Variants in TBC1D14 observed in about 807,000 individuals in gnomAD.
TBC1D14 encodes TBC1 domain family, member 14.
Under a neutral mutation model 79.0 loss-of-function variants are expected in TBC1D14, and 26 were observed. The observed-to-expected ratio is 0.33, with a 90% confidence interval of 0.24 to 0.46. The LOEUF is 0.46. Among genes scored for constraint, TBC1D14 ranks in the 20% least tolerant of loss-of-function variants. The probability of loss-of-function intolerance (pLI) is 1.00; values close to 1 mark genes in which losing one functional copy is unlikely to be tolerated. For missense variants in TBC1D14, 769 were observed against 887.6 expected (o/e 0.87, Z 1.70); for synonymous variants, 394 against 349.9 (o/e 1.13, Z -1.40).
intron 1 of TBC1D14, among the ~76,000 whole-genome samples, chr4:6,918,064 C>T (rs1420580768): frequency 2.0e-5 from 3 of 152,230 alleles, no homozygotes; most frequent in African/African-American, 7.2e-5. Flanking sequence ...CTCAACTTCT[C>T]CATAGGAGAG....
intron 3 of TBC1D14, among the ~76,000 whole-genome samples, chr4:6,971,996 C>T (rs1029481412): frequency 3.9e-5 from 6 of 152,226 alleles, no homozygotes; most frequent in Non-Finnish European, 8.8e-5. Flanking sequence ...AGAGAGCTGC[C>T]TTCAGGCCTC....
At chr4:6,988,746 T>G (rs1424558529) in intron 3 of TBC1D14, among the ~76,000 whole-genome samples, 2 of 152,218 alleles carry the variant, frequency 1.3e-5, no homozygotes, top group African/African-American at 4.8e-5. Context: ...GGCTCCTTCC[T>G]GGAAGTCAGG....
chr4:7,005,408 G>A (rs1720083006), intron 8 of TBC1D14, among the ~76,000 whole-genome samples: 11 of 152,212 alleles, frequency 7.2e-5, no homozygotes. Flanking sequence ...GGTGGTGGGT[G>A]CCTGTAATCC....
At chr4:6,954,330 C>T (rs947768382) in intron 2 of TBC1D14, 11 of 717,404 alleles carry the variant, frequency 1.5e-5, no homozygotes, top group Non-Finnish European at 2.9e-5. Context: ...CGCTCCTGTT[C>T]ATGGACAGGT....
intron 1 of TBC1D14, among the ~76,000 whole-genome samples, chr4:6,921,454 G>T (rs1039391613): frequency 1.3e-5 from 2 of 152,090 alleles, no homozygotes; most frequent in African/African-American, 4.8e-5. Context: ...CGATCCTCCT[G>T]CCTCTACCTC....
At chr4:7,003,380 G>A (rs148906597) in intron 7 of TBC1D14, among the ~76,000 whole-genome samples, 36 of 152,312 alleles carry the variant, frequency 2.4e-4, no homozygotes, top group Admixed American at 1.9e-3. Context: ...AAGCTTGGCC[G>A]GCCTCCTGGA....
intron 2 of TBC1D14, among the ~76,000 whole-genome samples, chr4:6,957,604 G>T (rs902872960): frequency 2.6e-5 from 4 of 152,198 alleles, no homozygotes; most frequent in African/African-American, 9.7e-5. Flanking sequence ...TGGTGATTGG[G>T]CACTTCTTGC....
intron 3 of TBC1D14, among the ~76,000 whole-genome samples, chr4:6,981,045 G>T (rs62289199): frequency 8.5e-6 from 1 of 116,984 alleles, no homozygotes; most frequent in African/African-American, 3.4e-5. Context: ...TTTTTTTAAA[G>T]ACTGAGTCTT....
intron 12 of TBC1D14, among the ~76,000 whole-genome samples, chr4:7,015,553 C>G (rs143783218): frequency 6.6e-6 from 1 of 152,078 alleles, no homozygotes; most frequent in Non-Finnish European, 1.5e-5. Flanking sequence ...TTGGGCCAGG[C>G]AGGTCTTCAT....
chr4:6,911,670 C>G (rs1188277715), intron 1 of TBC1D14, among the ~76,000 whole-genome samples: 1 of 152,208 alleles, frequency 6.6e-6, no homozygotes, highest in East Asian at 1.9e-4. Context: ...ATGCCTCCAC[C>G]TTCCCTCCTC....
intron 2 of TBC1D14, among the ~76,000 whole-genome samples, chr4:6,953,586 T>C (rs1450757658): frequency 3.4e-5 from 4 of 118,980 alleles, no homozygotes; most frequent in Non-Finnish European, 6.5e-5. Context: ...GAGCCGAGAT[T>C]GCGCCACTGC....
chr4:7,010,835 T>C (rs1021570983), intron 11 of TBC1D14, 54 bp downstream of exon 11: 1 of 1,572,424 alleles, frequency 6.4e-7, no homozygotes, highest in African/African-American at 1.4e-5. Flanking sequence ...ATGTCAAGAG[T>C]TGCTTACTCG....
intron 2 of TBC1D14, among the ~76,000 whole-genome samples, chr4:6,958,042 A>C (rs915500955): frequency 3.3e-5 from 5 of 151,826 alleles, no homozygotes; most frequent in Non-Finnish European, 5.9e-5. Flanking sequence ...TAGAAATATA[A>C]CTCAGCCCTT....
chr4:6,964,204 C>T (rs1027360920), intron 2 of TBC1D14, among the ~76,000 whole-genome samples: 22 of 152,170 alleles, frequency 1.4e-4, no homozygotes, highest in Admixed American at 5.9e-4. Context: ...CTTAGTCGTC[C>T]TCCTGCCAGC....
chr4:6,992,556 C>G, intron 3 of TBC1D14, among the ~76,000 whole-genome samples: 1 of 152,230 alleles, frequency 6.6e-6, no homozygotes, highest in Non-Finnish European at 1.5e-5. Context: ...TGATTTTGGG[C>G]CCAGCATTCT....
chr4:6,960,009 G>A (rs1013382770), intron 2 of TBC1D14, among the ~76,000 whole-genome samples: 4 of 151,156 alleles, frequency 2.6e-5, no homozygotes, highest in African/African-American at 4.9e-5. Context: ...TCAGCAACAC[G>A]TTTGCATGGC....
At chr4:7,012,826 C>G (rs1176546278) in intron 11 of TBC1D14, among the ~76,000 whole-genome samples, 1 of 152,074 alleles carries the variant, frequency 6.6e-6, no homozygotes, top group East Asian at 1.9e-4. Flanking sequence ...AAAAACTTAC[C>G]TTTCCAAGAA....
chr4:7,011,301 C>T (rs1720743467), intron 11 of TBC1D14, among the ~76,000 whole-genome samples: 2 of 151,074 alleles, frequency 1.3e-5, no homozygotes, highest in African/African-American at 4.9e-5. Context: ...CTTTATGACA[C>T]TGCGTAAGTG....
rs902939875 is a variant in TBC1D14, at chr4:6,996,497, A to G, written c.1045+90A>G. 1.2e-5 allele frequency: 12 copies of G among 982,848 alleles called. No homozygotes were observed. In the African/African-American group the frequency reaches 1.8e-4, roughly 15 times the overall value. 60.9% of individuals were successfully genotyped at this position (982,848 alleles called of 1,614,324 possible). On this transcript the variant is annotated intron_variant, in intron 5 of 13. Coordinates refer to ENST00000409757, the MANE Select transcript of TBC1D14 (RefSeq NM_020773.3). ...TTCTTTTTACCATTTGGAGTCATAG[A>G]ACCTGAACTTCAGTCTTTGAAATTT...
Sources: allele counts gnomAD v4.1 joint callset (sites outside exome capture counted in the v4.1 genomes callset), GRCh38; gene constraint gnomAD v4.1.1; transcripts MANE v1.5; gene names NCBI Gene and HGNC (gene_info 2026-07-23, HGNC 2026-07-21).